The following STK3 variants were observed in gnomAD, a reference collection of about 807,000 sequenced individuals.
STK3 encodes serine/threonine-protein kinase 3.
Under a neutral mutation model 58.0 loss-of-function variants are expected in STK3, and 41 were observed. The ratio of observed to expected loss-of-function variants is 0.71; its 90% CI spans 0.55 to 0.92. The LOEUF is 0.92. Ranked by LOEUF, STK3 falls within the 40% of genes least tolerant of loss-of-function variation. STK3 has a pLI of 0.00. For missense variants in STK3, 479 were observed against 602.7 expected, an observed-to-expected ratio of 0.79 and a Z score of 2.15; for synonymous variants, 170 against 191.0, an observed-to-expected ratio of 0.89 and a Z score of 0.91.
chr8:98,891,626 T>TGTGAGAGA (rs1554696692), intron 1 of STK3, among the ~76,000 whole-genome samples: 1 of 148,354 alleles, frequency 6.7e-6, no homozygotes, highest in Non-Finnish European at 1.5e-5. Flanking sequence ...TGTGTGTGTG[T>TGTGAGAGA]GAGAGAGAGA....
intron 6 of STK3, among the ~76,000 whole-genome samples, chr8:98,605,666 A>C (rs545971047): frequency 2.4e-4 from 37 of 152,190 alleles, no homozygotes; most frequent in Non-Finnish European, 4.7e-4. Flanking sequence ...CATACAACAC[A>C]AGTTTATTAT....
chr8:98,904,113 AT>A (rs1456680973), intron 1 of STK3, among the ~76,000 whole-genome samples: 1 of 152,240 alleles, frequency 6.6e-6, no homozygotes, highest in Non-Finnish European at 1.5e-5. Flanking sequence ...CAGGTCAGAT[AT>A]AAAAAAACAA....
chr8:98,445,278 C>T (rs923073833), intron 1 of STK3, among the ~76,000 whole-genome samples: 1 of 152,030 alleles, frequency 6.6e-6, no homozygotes, highest in African/African-American at 2.4e-5. Flanking sequence ...CATTCATCAG[C>T]TGATGGATGC....
intron 4 of STK3, chr8:98,721,221 C>G: frequency 1.6e-6 from 1 of 629,214 alleles, no homozygotes; most frequent in Non-Finnish European, 2.0e-6. Flanking sequence ...AGAAGAAAAC[C>G]AAAGTAAGTT....
intron 1 of STK3, among the ~76,000 whole-genome samples, chr8:98,788,236 G>A (rs1176457915): frequency 6.6e-6 from 1 of 151,972 alleles, no homozygotes; most frequent in Non-Finnish European, 1.5e-5. Context: ...CCAGGAGTTC[G>A]AGACCAGCCT....
intron 3 of STK3, among the ~76,000 whole-genome samples, chr8:98,838,894 G>A (rs537366688): frequency 2.7e-5 from 4 of 150,524 alleles, no homozygotes; most frequent in East Asian, 2.0e-4. Flanking sequence ...CATCGAGGCC[G>A]TTTACCTTCC....
rs1248845875 is a variant in STK3 at position 98,444,945 on chromosome 8, C to T, written n.186-7737G>A. ...GAATTCAATTTTGATGGCATGCTTC[C>T]CTATGGGTGCCATTAGAGAGACACT... On this transcript the variant is annotated intron_variant and non_coding_transcript_variant, in intron 1 of 3. Coordinates refer to the STK3 transcript ENST00000517832. Among the ~76,000 whole-genome samples, 3 of 152,068 alleles carry T rather than the reference C, an allele frequency of 2.0e-5. No homozygotes were observed. The East Asian group carries it at 5.8e-4, about 29-fold the overall frequency.
At chr8:98,430,728 T>C (rs774737593) in intron 3 of STK3, 3 of 167,068 alleles carry the variant, frequency 1.8e-5, no homozygotes, top group Admixed American at 1.3e-4. Context: ...CTGCCTTTCA[T>C]GGGGGGTGAC....
chr8:98,496,955 G>GTT (rs777080901), intron 10 of STK3, among the ~76,000 whole-genome samples: 1 of 151,508 alleles, frequency 6.6e-6, no homozygotes, highest in Non-Finnish European at 1.5e-5. Flanking sequence ...CAAATTTTAT[G>GTT]GTTTTTTTTA....
chr8:98,871,974 C>T (rs576095140), intron 3 of STK3, among the ~76,000 whole-genome samples: 22 of 152,094 alleles, frequency 1.4e-4, no homozygotes, highest in South Asian at 6.2e-4. Flanking sequence ...ATATTGGCTG[C>T]GGGTTTGTCA....
In STK3 at chr8:98,854,988, C is replaced by T. The variant is rs150285693; in HGVS notation, c.110+28659G>A. Among the ~76,000 whole-genome samples, 687 of 152,206 alleles carry T rather than the reference C, an allele frequency of 4.5e-3. 3 individuals are homozygous for T. The highest frequency in any genetic ancestry group is 7.3e-3 in the Non-Finnish European group (496 of 68,012). ...ACAAGAATCACTTGGACCTGGTAGG[C>T]GGAGATTGCAGTGAGCTGAGATTAC... is the stretch of plus-strand genomic sequence containing the variant. On this transcript the variant is annotated intron_variant, in intron 3 of 12. Transcript: ENST00000523601.
intron 4 of STK3, among the ~76,000 whole-genome samples, chr8:98,717,948 A>G (rs1827137645): frequency 1.3e-5 from 2 of 152,186 alleles, no homozygotes; most frequent in Non-Finnish European, 2.9e-5. Context: ...GTCGGTCACA[A>G]AAAAAGGCAA....
chr8:98,584,349 T>C (rs1309458851), intron 7 of STK3, among the ~76,000 whole-genome samples: 1 of 151,270 alleles, frequency 6.6e-6, no homozygotes, highest in Non-Finnish European at 1.5e-5. Context: ...ATATACGGTG[T>C]TTGGTTTTTT....
intron 10 of STK3, among the ~76,000 whole-genome samples, chr8:98,508,687 G>T (rs535329343): frequency 6.6e-6 from 1 of 152,022 alleles, no homozygotes; most frequent in Admixed American, 6.6e-5. Context: ...GGCTGTGGCT[G>T]GTTATGTTTT....
chr8:98,448,991 A>T (rs768806327), intron 1 of STK3, among the ~76,000 whole-genome samples: 5 of 152,084 alleles, frequency 3.3e-5, no homozygotes, highest in Non-Finnish European at 7.4e-5. Flanking sequence ...CTGACCTGGG[A>T]CTGAAAGGTG....
chr8:98,910,128 C>G (rs1839071287), intron 1 of STK3, among the ~76,000 whole-genome samples: 1 of 152,150 alleles, frequency 6.6e-6, no homozygotes. Context: ...GTTTATTGGT[C>G]TCTTGTACAG....
At chr8:98,938,506 G>A (rs892924227) in intron 1 of STK3, among the ~76,000 whole-genome samples, 2 of 152,200 alleles carry the variant, frequency 1.3e-5, no homozygotes, top group African/African-American at 2.4e-5. Context: ...AAATCAGGAC[G>A]CCAATGCTGG....
At chr8:98,912,909 T>C (rs1839207071) in intron 1 of STK3, among the ~76,000 whole-genome samples, 1 of 152,140 alleles carries the variant, frequency 6.6e-6, no homozygotes, top group African/African-American at 2.4e-5. Flanking sequence ...TCACTGGTTG[T>C]GGTTTATTTG....
intron 1 of STK3, among the ~76,000 whole-genome samples, chr8:98,911,073 A>C (rs1839112490): frequency 6.6e-6 from 1 of 152,202 alleles, no homozygotes; most frequent in Non-Finnish European, 1.5e-5. Flanking sequence ...GGTTACCACT[A>C]GTTCTTTGTG....
Sources: gnomAD v4.1 joint callset for allele counts (sites outside exome capture counted in the v4.1 genomes callset) on GRCh38, gnomAD v4.1.1 for gene constraint, MANE v1.5 for transcripts, NCBI Gene and HGNC (gene_info 2026-07-23, HGNC 2026-07-21) for gene names.